RIMS2: variants seen among roughly 807,000 people sequenced by gnomAD.
The protein encoded by RIMS2 is regulating synaptic membrane exocytosis protein 2.
In RIMS2, 59 loss-of-function variants were observed where a neutral mutation model predicts 174.4. The ratio of observed to expected loss-of-function variants is 0.34; its 90% CI spans 0.27 to 0.42. The LOEUF (loss-of-function observed/expected upper bound fraction) is 0.42, where lower values mean the gene tolerates loss of function less well. Among genes scored for constraint, RIMS2 ranks in the 10% least tolerant of loss-of-function variants. The probability of loss-of-function intolerance (pLI) is 1.00; values close to 1 mark genes in which losing one functional copy is unlikely to be tolerated. For synonymous variants in RIMS2, 606 were observed against 572.5 expected (o/e 1.06, Z -0.84); for missense variants, 1,620 against 1,666.3 (o/e 0.97, Z 0.48).
intron 2 of RIMS2, among the ~76,000 whole-genome samples, chr8:103,718,200 A>G (rs2097398111): frequency 6.6e-6 from 1 of 152,244 alleles, no homozygotes; most frequent in African/African-American, 2.4e-5. Flanking sequence ...ATCAAGGGAC[A>G]TGAAAGACAG....
intron 19 of RIMS2, among the ~76,000 whole-genome samples, chr8:104,109,221 T>C (rs1322412824): frequency 1.5e-5 from 2 of 137,602 alleles, no homozygotes; most frequent in African/African-American, 2.8e-5. Flanking sequence ...GGCATGAACC[T>C]GGGAGGTGGA....
At chr8:103,562,772 C>T (rs1361748295) in intron 1 of RIMS2, among the ~76,000 whole-genome samples, 4 of 152,116 alleles carry the variant, frequency 2.6e-5, no homozygotes, top group Non-Finnish European at 4.4e-5. Flanking sequence ...ATGAGGGCCC[C>T]GTCCCTGCAG....
intron 2 of RIMS2, among the ~76,000 whole-genome samples, chr8:103,723,467 T>A: frequency 6.6e-6 from 1 of 152,218 alleles, no homozygotes; most frequent in East Asian, 1.9e-4. Context: ...GCTTGGTACC[T>A]GGGTCAGTGG....
At chr8:103,927,199 C>T (rs2078941641) in intron 10 of RIMS2, among the ~76,000 whole-genome samples, 1 of 151,478 alleles carries the variant, frequency 6.6e-6, no homozygotes, top group Non-Finnish European at 1.5e-5. Context: ...TTGAGTGATA[C>T]ATAATAAATA....
At chr8:103,763,990 A>C (rs2098139818) in intron 2 of RIMS2, among the ~76,000 whole-genome samples, 1 of 152,108 alleles carries the variant, frequency 6.6e-6, no homozygotes, top group African/African-American at 2.4e-5. Flanking sequence ...AATTACCTGG[A>C]GGGTTTGGGG....
chr8:103,590,932 C>G (rs1053612451), intron 1 of RIMS2, among the ~76,000 whole-genome samples: 3 of 150,738 alleles, frequency 2.0e-5, no homozygotes, highest in Admixed American at 2.0e-4. Context: ...GATCGTAGGG[C>G]AGGTTTATGT....
chr8:104,052,272 A>T (rs2096798937), intron 19 of RIMS2, among the ~76,000 whole-genome samples: 1 of 152,212 alleles, frequency 6.6e-6, no homozygotes, highest in South Asian at 2.1e-4. Flanking sequence ...TGACTTTTAA[A>T]ATTATTGAAA....
chr8:104,166,475 A>G (rs548804816), intron 19 of RIMS2, among the ~76,000 whole-genome samples: 69 of 152,320 alleles, frequency 4.5e-4, no homozygotes, highest in African/African-American at 1.6e-3. Flanking sequence ...TCAGAAGTGT[A>G]GAGTAAGTTC....
intron 2 of RIMS2, among the ~76,000 whole-genome samples, chr8:103,721,012 C>T (rs973382128): frequency 6.6e-6 from 1 of 152,014 alleles, no homozygotes; most frequent in Non-Finnish European, 1.5e-5. Context: ...AGAGGCGGGG[C>T]CTGGTGAGAG....
chr8:103,780,073 A>C (rs922259724), intron 3 of RIMS2, among the ~76,000 whole-genome samples: 3 of 152,100 alleles, frequency 2.0e-5, no homozygotes, highest in Non-Finnish European at 2.9e-5. Context: ...GGCCTCTAAC[A>C]TCCCTTGAAA....
chr8:104,048,640 A>G (rs958364612), intron 19 of RIMS2, among the ~76,000 whole-genome samples: 1 of 152,210 alleles, frequency 6.6e-6, no homozygotes, highest in Admixed American at 6.5e-5. Flanking sequence ...TACAATGAAT[A>G]TTAAATAATG....
At chr8:104,225,971 A>C (rs192615262) in intron 19 of RIMS2, among the ~76,000 whole-genome samples, 94 of 152,316 alleles carry the variant, frequency 6.2e-4, no homozygotes, top group Middle Eastern at 3.4e-3. Flanking sequence ...GTATTTCAAC[A>C]TACTCTGCAG....
intron 19 of RIMS2, among the ~76,000 whole-genome samples, chr8:104,193,241 T>A (rs557074581): frequency 3.0e-4 from 44 of 144,970 alleles, no homozygotes; most frequent in South Asian, 4.4e-4. Context: ...AGATTCTCTT[T>A]TTACTTTTCT....
chr8:103,837,522 C>A lies in RIMS2; in HGVS notation c.699-47776C>A, dbSNP rs190673108. Among the ~76,000 whole-genome samples the A allele has an allele frequency of 3.8e-4, 58 of 152,314 alleles. No individual in the cohort carries two copies. The South Asian group carries it at 0.011, about 30-fold the overall frequency. On this transcript the variant is annotated intron_variant, in intron 3 of 23. Coordinates refer to ENST00000504942, the Ensembl canonical transcript of RIMS2. ...ATATCTCCTAATGCTATCCCTCCCCCCTCAACAGACCCCAGTGTGTGATGT... is the reference window on the plus strand; with the variant it reads ...ATATCTCCTAATGCTATCCCTCCCCACTCAACAGACCCCAGTGTGTGATGT...
intron 3 of RIMS2, 93 bp downstream of exon 6, chr8:103,766,630 G>A: frequency 1.2e-6 from 1 of 810,254 alleles, no homozygotes; most frequent in Non-Finnish European, 1.9e-6. Flanking sequence ...AGGCAATGGT[G>A]AGTTGTCTAA....
At position 104,248,682 on chromosome 8, in the gene RIMS2, T is replaced by C. The variant is rs755127549; in HGVS notation, c.3477-19T>C. The C allele has an allele frequency of 8.5e-6, 11 of 1,299,050 alleles. No individual in the cohort carries two copies. The highest frequency in any genetic ancestry group is 1.2e-5 in the Non-Finnish European group (11 of 892,492). 80.5% of individuals were successfully genotyped at this position (1,299,050 alleles called of 1,614,324 possible). On this transcript the variant is annotated intron_variant, in intron 20 of 23. Transcript: ENST00000504942. ...AATAGGGGTTGGGGATTTAATCTCA[T>C]ATGTTATTTTGCTTTCAGTCTGATT...
chr8:103,942,072 T>C (rs1475551857), intron 13 of RIMS2, among the ~76,000 whole-genome samples: 1 of 152,158 alleles, frequency 6.6e-6, no homozygotes, highest in Non-Finnish European at 1.5e-5. Context: ...GGGTTTGTTG[T>C]GCAGATTATT....
At chr8:104,095,852 G>A (rs990441602) in intron 19 of RIMS2, among the ~76,000 whole-genome samples, 1 of 151,968 alleles carries the variant, frequency 6.6e-6, no homozygotes, top group Non-Finnish European at 1.5e-5. Flanking sequence ...AGATATTCGG[G>A]ATAGAACTCT....
intron 1 of RIMS2, among the ~76,000 whole-genome samples, chr8:103,584,359 G>T (rs58481171): frequency 2.0e-4 from 30 of 152,160 alleles, no homozygotes; most frequent in Non-Finnish European, 4.3e-4. Flanking sequence ...CAATCAGAAA[G>T]AAGAGGACAT....
Sources: gnomAD v4.1 joint callset for allele counts (sites outside exome capture counted in the v4.1 genomes callset) on GRCh38, gnomAD v4.1.1 for gene constraint, MANE v1.5 for transcripts, NCBI Gene and HGNC (gene_info 2026-07-23, HGNC 2026-07-21) for gene names.